The following HTR4 variants were observed in gnomAD, a reference collection of about 807,000 sequenced individuals.
HTR4 encodes 5-hydroxytryptamine (serotonin) receptor 4, G protein-coupled.
In HTR4, 16 loss-of-function variants were observed where a neutral mutation model predicts 36.8. That is an observed-to-expected ratio of 0.43 (90% CI 0.29 to 0.66). HTR4 has a LOEUF of 0.66. Among genes scored for constraint, HTR4 ranks in the 30% least tolerant of loss-of-function variants. The pLI is 0.13. For synonymous variants in HTR4, 189 were observed against 185.1 expected, an observed-to-expected ratio of 1.02 and a Z score of -0.17; for missense variants, 438 against 490.9, an observed-to-expected ratio of 0.89 and a Z score of 1.02.
chr5:148,584,885 C>T (rs1761292224), intron 2 of HTR4, among the ~76,000 whole-genome samples: 1 of 152,142 alleles, frequency 6.6e-6, no homozygotes, highest in Non-Finnish European at 1.5e-5. Context: ...GGAAGCCATA[C>T]ACAGAGACAA....
chr5:148,530,981 C>A (rs1345432583), intron 4 of HTR4, among the ~76,000 whole-genome samples: 1 of 152,216 alleles, frequency 6.6e-6, no homozygotes, highest in Non-Finnish European at 1.5e-5. Context: ...TGCTCAATTT[C>A]TTCCATTTGG....
chr5:148,451,501 C>G (rs1319346650), intron 5 of HTR4, among the ~76,000 whole-genome samples: 1 of 152,000 alleles, frequency 6.6e-6, no homozygotes, highest in Non-Finnish European at 1.5e-5. Flanking sequence ...AACGACAGGC[C>G]TAGGAGTGCA....
intron 2 of HTR4, among the ~76,000 whole-genome samples, chr5:148,560,630 C>T (rs1760165895): frequency 6.6e-6 from 1 of 152,082 alleles, no homozygotes; most frequent in African/African-American, 2.4e-5. Context: ...AAACAATGCA[C>T]CTGGAAGATT....
chr5:148,518,451 T>C (rs972699556), intron 5 of HTR4, among the ~76,000 whole-genome samples: 1 of 152,194 alleles, frequency 6.6e-6, no homozygotes, highest in African/African-American at 2.4e-5. Context: ...CTCAAATTGC[T>C]ATCATCCTAG....
intron 2 of HTR4, among the ~76,000 whole-genome samples, chr5:148,588,482 A>G (rs1171834386): frequency 6.6e-6 from 1 of 151,140 alleles, no homozygotes; most frequent in Non-Finnish European, 1.5e-5. Flanking sequence ...AGAAGTTATC[A>G]CTACACTAAA....
intron 1 of HTR4, among the ~76,000 whole-genome samples, chr5:148,653,306 C>G (rs768564727): frequency 1.7e-4 from 26 of 152,306 alleles, no homozygotes; most frequent in Admixed American, 5.2e-4. Context: ...TAACATTGAA[C>G]TCTAGGAAGA....
chr5:148,595,575 C>T (rs1761735170), intron 2 of HTR4, among the ~76,000 whole-genome samples: 1 of 152,112 alleles, frequency 6.6e-6, no homozygotes, highest in African/African-American at 2.4e-5. Context: ...AATGACATAA[C>T]ATTTGTAACA....
intron 1 of HTR4, among the ~76,000 whole-genome samples, chr5:148,649,938 C>T (rs1369878248): frequency 6.6e-6 from 1 of 152,176 alleles, no homozygotes; most frequent in East Asian, 1.9e-4. Flanking sequence ...GGAACAACAT[C>T]ATCACCTGCG....
chr5:148,574,340 C>T (rs985230723), intron 2 of HTR4, among the ~76,000 whole-genome samples: 4 of 151,990 alleles, frequency 2.6e-5, no homozygotes, highest in Admixed American at 2.6e-4. Flanking sequence ...ATGGAAAAAA[C>T]ATCTGAAAAC....
chr5:148,605,239 T>C (rs1462106185), intron 2 of HTR4, among the ~76,000 whole-genome samples: 3 of 133,748 alleles, frequency 2.2e-5, no homozygotes, highest in Non-Finnish European at 4.6e-5. Flanking sequence ...AGATTGCATT[T>C]TCTTTTCTTT....
At chr5:148,527,105 A>G (rs1322039609) in intron 4 of HTR4, among the ~76,000 whole-genome samples, 1 of 152,230 alleles carries the variant, frequency 6.6e-6, no homozygotes, top group East Asian at 1.9e-4. Flanking sequence ...TGATCACTAC[A>G]CATTGTATGC....
chr5:148,586,107 C>G (rs960283590), intron 2 of HTR4, among the ~76,000 whole-genome samples: 1 of 152,112 alleles, frequency 6.6e-6, no homozygotes, highest in African/African-American at 2.4e-5. Flanking sequence ...AACTTACTAA[C>G]TTTTTTTCCA....
chr5:148,590,295 T>C (rs1182882044), intron 2 of HTR4, among the ~76,000 whole-genome samples: 112 of 122,606 alleles, frequency 9.1e-4, no homozygotes, highest in Non-Finnish European at 1.7e-3. Flanking sequence ...TTCTTTTTTT[T>C]TTTTTTTTTT....
At chr5:148,578,493 G>T (rs1761010492) in intron 2 of HTR4, among the ~76,000 whole-genome samples, 1 of 152,018 alleles carries the variant, frequency 6.6e-6, no homozygotes, top group South Asian at 2.1e-4. Flanking sequence ...AATCTAACAT[G>T]CATACTTTCA....
At position 148,550,314 on chromosome 5, in the gene HTR4, A is replaced by G. The variant is rs188627501; in HGVS notation, c.27-52T>C. The G allele has an allele frequency of 5.9e-5, 94 of 1,605,588 alleles. No individual in the cohort carries two copies. In the East Asian group the frequency reaches 1.8e-3, roughly 31 times the overall value. Reference sequence around the variant, plus strand: ...ATTGAATGAAACTCTGGGACACAAGAAGGAAAATTCGTCTTTTCATCATTG... The same window carrying G: ...ATTGAATGAAACTCTGGGACACAAGGAGGAAAATTCGTCTTTTCATCATTG... On this transcript the variant is annotated intron_variant, in intron 2 of 6. Coordinates refer to ENST00000377888, the MANE Select transcript of HTR4 (RefSeq NM_000870.7).
At chr5:148,468,051 G>A (rs938399347) in intron 5 of HTR4, among the ~76,000 whole-genome samples, 3 of 152,208 alleles carry the variant, frequency 2.0e-5, no homozygotes, top group Non-Finnish European at 4.4e-5. Context: ...GGTACAGGTA[G>A]GGCCTTAGCC....
At chr5:148,615,692 TAAAGAAAG>T (rs150308160) in intron 2 of HTR4, among the ~76,000 whole-genome samples, 7 of 146,708 alleles carry the variant, frequency 4.8e-5, no homozygotes, top group African/African-American at 1.5e-4. Context: ...ATTAAAAAAA[TAAAGAAAG>T]AAAGAAAGAA....
chr5:148,624,745 T>C (rs921541322), intron 2 of HTR4, among the ~76,000 whole-genome samples: 3 of 152,118 alleles, frequency 2.0e-5, no homozygotes, highest in Non-Finnish European at 4.4e-5. Flanking sequence ...TTCAGGGGCA[T>C]AGAGTGGAGA....
At chr5:148,494,517 G>A (rs1317883856) in intron 6 of HTR4, among the ~76,000 whole-genome samples, 5 of 151,788 alleles carry the variant, frequency 3.3e-5, no homozygotes, top group South Asian at 2.1e-4. Flanking sequence ...CATTTTCTCC[G>A]CTATTGATTT....
Sources: allele counts gnomAD v4.1 joint callset (sites outside exome capture counted in the v4.1 genomes callset), GRCh38; gene constraint gnomAD v4.1.1; transcripts MANE v1.5; gene names NCBI Gene and HGNC (gene_info 2026-07-23, HGNC 2026-07-21).